ZNF100: variants seen among roughly 807,000 people sequenced by gnomAD.
ZNF100 encodes zinc finger protein 100, also known as zinc finger protein 100 (Y1).
ZNF100 carries 12 observed loss-of-function variants against 15.8 expected under a neutral mutation model. That is an observed-to-expected ratio of 0.76 (90% CI 0.49 to 1.23). The LOEUF is 1.23. ZNF100 is among the 50% of genes most tolerant of loss of function. The pLI is 0.00. For missense variants in ZNF100, 670 were observed against 635.6 expected (o/e 1.05, Z -0.58); for synonymous variants, 226 against 214.8 (o/e 1.05, Z -0.45).
At position 21,727,530 on chromosome 19, in the gene ZNF100, T is replaced by C; in HGVS notation, c.782A>G (p.Tyr261Cys). 1 of 1,613,836 alleles carries C rather than the reference T, an allele frequency of 6.2e-7. No individual in the cohort carries two copies. Among genetic ancestry groups the C allele is most frequent in the Non-Finnish European group, 8.5e-7 (1 of 1,179,858 alleles). The change falls in exon 5 of 5, where the codon TAC becomes TGC. Residue 261 changes from tyrosine (Y) to cysteine (C), a missense_variant. Tyr to Cys is a radical substitution (Grantham distance 194). Transcript: ENST00000358296. The stretch of plus-strand genomic sequence containing the variant: ...TGCTTTCCCACATTCTTCACATTTG[T>C]AGGGTTTCTCTCCAGTATGAATTCT... ...HRRIHTGEKP[Y>C]KCEECGKAFN...
At chr19:21,744,863 G>T in intron 3 of ZNF100, 78 bp downstream of exon 3, 1 of 1,571,398 alleles carries the variant, frequency 6.4e-7, no homozygotes, top group Non-Finnish European at 8.6e-7. Context: ...TGCAAAGCAT[G>T]AATTACCAAA....
At chr19:21,741,648 T>C (rs1188523545) in intron 4 of ZNF100, among the ~76,000 whole-genome samples, 8 of 151,940 alleles carry the variant, frequency 5.3e-5, no homozygotes, top group Non-Finnish European at 1.2e-4. Context: ...GTGCTAGGAT[T>C]ACAGGCATGA....
intron 3 of ZNF100, 145 bp from the exon 4 acceptor site, chr19:21,744,260 G>C: frequency 1.2e-6 from 1 of 803,044 alleles, no homozygotes; most frequent in Non-Finnish European, 1.7e-6. Flanking sequence ...TAAATATTTA[G>C]AAAATATTTT....
rs778817979 is a variant in ZNF100, at chr19:21,727,684, A to G, written c.628T>C (p.Cys210Arg). ...AAAAGCATGCAAAATGATTTTTCACATTTTTTACATTTGAAAGGTTTCTTT... is the reference window on the plus strand; with the variant it reads ...AAAAGCATGCAAAATGATTTTTCACGTTTTTTACATTTGAAAGGTTTCTTT... ...TRKKPFKCKK[C>R]EKSFCMLLHL... Residue 210 changes from cysteine (C) to arginine (R), a missense_variant, in exon 5 of 5, where the codon TGT (cysteine) becomes CGT (arginine). Transcript: ENST00000358296. 4.2e-5 allele frequency: 67 copies of G among 1,612,864 alleles called. 1 individual carries two copies. The highest frequency in any genetic ancestry group is 1.7e-4 in the Middle Eastern group (1 of 6,052).
intron 2 of ZNF100, among the ~76,000 whole-genome samples, chr19:21,763,889 TCTAATA>T (rs1051899855): frequency 1.3e-5 from 2 of 152,192 alleles, no homozygotes; most frequent in Admixed American, 1.3e-4. Context: ...TTCCTCCTGT[TCTAATA>T]CTTTTTTGGA....
chr19:21,760,850 AG>A (rs1179558438), intron 2 of ZNF100, among the ~76,000 whole-genome samples: 1 of 145,318 alleles, frequency 6.9e-6, no homozygotes, highest in African/African-American at 2.6e-5. Context: ...TCCACTTTGC[AG>A]TTTCATGCCA....
intron 2 of ZNF100, among the ~76,000 whole-genome samples, chr19:21,746,305 T>C (rs1329277130): frequency 1.3e-5 from 2 of 152,230 alleles, no homozygotes; most frequent in African/African-American, 2.4e-5. Flanking sequence ...TTCTGTAATT[T>C]TCAATAATGA....
At position 21,767,536 on chromosome 19, in the gene ZNF100, T is replaced by C. The variant is rs879746911; in HGVS notation, c.-107A>G. 7 of 1,507,960 alleles carry C rather than the reference T, an allele frequency of 4.6e-6. No homozygotes were observed. The highest frequency in any genetic ancestry group is 6.3e-6 in the Non-Finnish European group (7 of 1,111,554). 93.4% of individuals were successfully genotyped at this position (1,507,960 alleles called of 1,614,324 possible). On this transcript the variant is annotated 5_prime_UTR_variant, in exon 1 of 5. Transcript: ENST00000358296. ...CCTAGGAGCAGAAGACACAGAGAAG[T>C]GAGAGCAAAACCTGGAGCTCCGGCT...
chr19:21,729,514 C>T (rs1031219074), intron 4 of ZNF100, among the ~76,000 whole-genome samples: 13 of 151,764 alleles, frequency 8.6e-5, no homozygotes, highest in African/African-American at 3.1e-4. Context: ...CACATGTATA[C>T]ATATGTAACA....
At chr19:21,751,376 C>T (rs1044162725) in intron 2 of ZNF100, 5 of 829,204 alleles carry the variant, frequency 6.0e-6, no homozygotes, top group East Asian at 2.4e-5. Flanking sequence ...AAAAGTTCCA[C>T]AGGAATAGTT....
intron 4 of ZNF100, 109 bp downstream of exon 4, chr19:21,743,908 A>T: frequency 8.2e-7 from 1 of 1,212,830 alleles, no homozygotes; most frequent in Non-Finnish European, 1.1e-6. Context: ...GCATCCCAGA[A>T]ACTATTTCCT....
chr19:21,727,165 A>G lies in ZNF100; in HGVS notation c.1147T>C (p.Tyr383His), dbSNP rs761506921. 1 of 1,598,028 alleles carries G rather than the reference A, an allele frequency of 6.3e-7. No individual in the cohort carries two copies. The highest frequency in any genetic ancestry group is 8.5e-7 in the Non-Finnish European group (1 of 1,171,450). Residue 383 changes from tyrosine to histidine, a missense_variant, in exon 5 of 5, where the codon TAC becomes CAC. By Grantham distance (83) the Tyr-to-His change is moderately conservative. Coordinates refer to ENST00000358296, the MANE Select transcript of ZNF100 (RefSeq NM_173531.4). ...TGTTTAGTAAGGTATGAGAATCGGTAAAAAGCTTTGCCACATTCTTCACAT... is the reference window on the plus strand; with the variant it reads ...TGTTTAGTAAGGTATGAGAATCGGTGAAAAGCTTTGCCACATTCTTCACAT... ...YKCEECGKAF[Y>H]RFSYLTKHKT...
chr19:21,728,810 T>A (rs1314956692), intron 4 of ZNF100, among the ~76,000 whole-genome samples: 1 of 151,754 alleles, frequency 6.6e-6, no homozygotes, highest in African/African-American at 2.4e-5. Context: ...AAAAGATGTA[T>A]ACACACCGAT....
At chr19:21,756,366 A>C (rs531275238) in intron 2 of ZNF100, among the ~76,000 whole-genome samples, 31 of 152,324 alleles carry the variant, frequency 2.0e-4, no homozygotes, top group African/African-American at 6.7e-4. Context: ...GTCTCAGCAG[A>C]AAAGCTCTTT....
intron 4 of ZNF100, 84 bp downstream of exon 4, chr19:21,743,933 C>A: frequency 7.3e-7 from 1 of 1,369,222 alleles, no homozygotes; most frequent in Non-Finnish European, 9.8e-7. Context: ...AACATAGCTT[C>A]CCAAACCACA....
At chr19:21,734,937 G>C (rs1206862771) in intron 4 of ZNF100, among the ~76,000 whole-genome samples, 2 of 152,196 alleles carry the variant, frequency 1.3e-5, no homozygotes, top group East Asian at 3.9e-4. Context: ...TTCTAACCCA[G>C]AATATCCTGC....
intron 1 of ZNF100, 144 bp from the exon 2 acceptor site, chr19:21,765,930 C>T (rs2036552698): frequency 1.4e-6 from 1 of 711,522 alleles, no homozygotes; most frequent in East Asian, 2.7e-5. Flanking sequence ...CACATCACCC[C>T]ATAGATTTTT....
intron 2 of ZNF100, among the ~76,000 whole-genome samples, chr19:21,760,161 A>T (rs917066286): frequency 6.8e-6 from 1 of 146,424 alleles, no homozygotes; most frequent in African/African-American, 2.5e-5. Flanking sequence ...TAGCCTGAGC[A>T]AAATAGTGAG....
At chr19:21,740,422 A>G (rs1748434452) in intron 4 of ZNF100, among the ~76,000 whole-genome samples, 1 of 152,212 alleles carries the variant, frequency 6.6e-6, no homozygotes, top group Non-Finnish European at 1.5e-5. Flanking sequence ...CATTAAATGC[A>G]TGAGCAACAA....
Sources: gnomAD v4.1 joint callset for allele counts (sites outside exome capture counted in the v4.1 genomes callset) on GRCh38, gnomAD v4.1.1 for gene constraint, MANE v1.5 for transcripts, NCBI Gene and HGNC (gene_info 2026-07-23, HGNC 2026-07-21) for gene names.